The following MYBL2 variants were observed in gnomAD, a reference collection of about 807,000 sequenced individuals.
The protein encoded by MYBL2 is myb-related protein B.
In MYBL2, 28 loss-of-function variants were observed where a neutral mutation model predicts 79.9. That is an observed-to-expected ratio of 0.35 (90% CI 0.26 to 0.48). MYBL2 has a LOEUF of 0.48. Ranked by LOEUF, MYBL2 falls within the 20% of genes least tolerant of loss-of-function variation. The probability of loss-of-function intolerance (pLI) is 0.99; values close to 1 mark genes in which losing one functional copy is unlikely to be tolerated. For missense variants in MYBL2, 735 were observed against 893.9 expected, an observed-to-expected ratio of 0.82 and a Z score of 2.27; for synonymous variants, 378 against 361.2, an observed-to-expected ratio of 1.05 and a Z score of -0.53.
chr20:43,716,187 G>C lies in MYBL2; in HGVS notation c.*100G>C. The C allele has an allele frequency of 6.4e-7, 1 of 1,561,496 alleles. No individual in the cohort carries two copies. The highest frequency in any genetic ancestry group is 1.1e-5 in the South Asian group (1 of 87,322). On this transcript the variant is annotated 3_prime_UTR_variant, in exon 14 of 14. Coordinates refer to ENST00000217026, the MANE Select transcript of MYBL2 (RefSeq NM_002466.4). ...AGTCATTCAGGTGACCTCCTGCAGG[G>C]AGCCTTCTGCCACCAGCCCCTCCCC...
At chr20:43,715,096 C>G (rs367724805) in intron 12 of MYBL2, 38 bp from the exon 13 acceptor site, 7 of 1,608,738 alleles carry the variant, frequency 4.4e-6, no homozygotes, top group Non-Finnish European at 5.1e-6. Context: ...CACAGCTTCT[C>G]GCAAAATGGT....
intron 7 of MYBL2, among the ~76,000 whole-genome samples, chr20:43,702,025 G>A (rs189036830): frequency 5.9e-5 from 9 of 152,344 alleles, no homozygotes; most frequent in African/African-American, 1.9e-4. Flanking sequence ...TACTCAGGAG[G>A]CTGAGGCAGG....
chr20:43,670,611 C>G (rs1292768519), intron 1 of MYBL2, among the ~76,000 whole-genome samples: 1 of 152,054 alleles, frequency 6.6e-6, no homozygotes, highest in Non-Finnish European at 1.5e-5. Flanking sequence ...TGGAGCTGAC[C>G]TTTGTAGATG....
At chr20:43,687,561 A>G (rs1987307307) in intron 5 of MYBL2, among the ~76,000 whole-genome samples, 1 of 152,188 alleles carries the variant, frequency 6.6e-6, no homozygotes, top group African/African-American at 2.4e-5. Flanking sequence ...ACTCTGTTAA[A>G]TGACTCTACT....
rs756042127 is a variant in MYBL2, at chr20:43,716,065, C to T, written c.2081C>T (p.Ser694Phe). The change falls in exon 14 of 14, where the codon TCT becomes TTT. Residue 694 changes from serine (S) to phenylalanine (F), a missense_variant. By Grantham distance (155) the Ser-to-Phe change is radical (BLOSUM62 -2). Around this residue, in one of 5 missense-constraint regions of MYBL2, gnomAD observed 204 missense variants for 202.9 expected, o/e 1.01. Coordinates refer to ENST00000217026, the MANE Select transcript of MYBL2 (RefSeq NM_002466.4). ...GGCCGCCTGAAGCCCAGCCACACAT[C>T]TCGGACCCTCATCTTGTCCTGAGGT... ...LLGRLKPSHT[S>F]RTLILS 4 of 1,609,028 alleles carry T rather than the reference C, an allele frequency of 2.5e-6. No individual in the cohort carries two copies. Among genetic ancestry groups the T allele is most frequent in the Non-Finnish European group, 3.4e-6 (4 of 1,179,796 alleles).
rs1987175600 is a variant in MYBL2 at position 43,682,799 on chromosome 20, C to T, written c.192C>T (p.Arg64=). 1 of 1,613,960 alleles carries T rather than the reference C, an allele frequency of 6.2e-7. No homozygotes were observed. The highest frequency in any genetic ancestry group is 8.5e-7 in the Non-Finnish European group (1 of 1,179,850). ...WKFLASHFPN[R]TDQQCQYRWL... is the part of the protein sequence containing the mutation. The stretch of plus-strand genomic sequence containing the variant: ...TTCTTCTGTTCTTTTCCCAGAACCG[C>T]ACTGACCAGCAATGCCAGTACAGGT... The change falls in exon 4 of 14, where the codon CGC becomes CGT. Residue 64 remains arginine, a synonymous_variant. Transcript: ENST00000217026.
chr20:43,714,961 T>C (rs576099942), intron 12 of MYBL2, among the ~76,000 whole-genome samples, 173 bp from the exon 13 acceptor site: 27 of 152,310 alleles, frequency 1.8e-4, no homozygotes, highest in African/African-American at 5.8e-4. Context: ...AAAGTAAGCT[T>C]AAGCTCATGT....
At chr20:43,713,555 T>C (rs1343840518) in intron 12 of MYBL2, among the ~76,000 whole-genome samples, 1 of 151,982 alleles carries the variant, frequency 6.6e-6, no homozygotes, top group Non-Finnish European at 1.5e-5. Flanking sequence ...GCCCGGCTAA[T>C]TTTGTATCTT....
chr20:43,667,485 C>T (rs1986746508), intron 1 of MYBL2, among the ~76,000 whole-genome samples, 182 bp downstream of exon 1: 2 of 152,128 alleles, frequency 1.3e-5, no homozygotes, highest in Non-Finnish European at 2.9e-5. Context: ...GCGCGTAAAG[C>T]TGGGGGGCTC....
At chr20:43,675,985 A>G (rs1180101356) in intron 2 of MYBL2, among the ~76,000 whole-genome samples, 1 of 149,606 alleles carries the variant, frequency 6.7e-6, no homozygotes, top group African/African-American at 2.5e-5. Context: ...GCTCACTGCA[A>G]CCTCTGCCTC....
chr20:43,673,987 TG>T, intron 2 of MYBL2, 88 bp downstream of exon 2: 1 of 1,193,158 alleles, frequency 8.4e-7, no homozygotes, highest in Admixed American at 2.0e-5. Flanking sequence ...TCTCATCAGA[TG>T]GGATGAAGAG....
intron 2 of MYBL2, 122 bp from the exon 3 acceptor site, chr20:43,681,662 G>A (rs539313014): frequency 4.2e-5 from 41 of 979,332 alleles, no homozygotes; most frequent in Admixed American, 1.5e-4. Flanking sequence ...CACCTTGTAC[G>A]TATTCACTTC....
intron 2 of MYBL2, among the ~76,000 whole-genome samples, chr20:43,680,024 TTTTA>T (rs150561384): frequency 0.81 from 122,754 of 151,600 alleles, 50,355 homozygotes; most frequent in Non-Finnish European, 0.88. Flanking sequence ...ATTTTGACTA[TTTTA>T]TTTATTTATT....
rs921753319 is a variant in MYBL2, at chr20:43,677,206, G to A, written c.114+3307G>A. Among the ~76,000 whole-genome samples the A allele has an allele frequency of 2.6e-5, 4 of 152,336 alleles. No individual in the cohort carries two copies. In the South Asian group the frequency reaches 6.2e-4, roughly 24 times the overall value. On this transcript the variant is annotated intron_variant, in intron 2 of 13. Coordinates refer to ENST00000217026, the MANE Select transcript of MYBL2 (RefSeq NM_002466.4). ...GGCTTAGAAGAATAAACAAGACCAA[G>A]TTCCTACCCCAGAGCAGATTTCTCT...
At chr20:43,703,442 G>A (rs60385149) in intron 8 of MYBL2, among the ~76,000 whole-genome samples, 1 of 152,186 alleles carries the variant, frequency 6.6e-6, no homozygotes, top group Non-Finnish European at 1.5e-5. Context: ...TGCTCTGTTA[G>A]TAACACACAG....
chr20:43,669,486 GC>G (rs1986809553), intron 1 of MYBL2, among the ~76,000 whole-genome samples: 1 of 152,156 alleles, frequency 6.6e-6, no homozygotes, highest in African/African-American at 2.4e-5. Flanking sequence ...CTGCCCTAGT[GC>G]CCCACTTCCC....
intron 5 of MYBL2, among the ~76,000 whole-genome samples, chr20:43,691,842 ATT>A (rs879641028): frequency 7.0e-6 from 1 of 142,770 alleles, no homozygotes; most frequent in Admixed American, 7.0e-5. Flanking sequence ...GCACTCGGCA[ATT>A]TTTTTTTTTT....
At chr20:43,700,203 G>C (rs917671102) in intron 7 of MYBL2, among the ~76,000 whole-genome samples, 159 bp downstream of exon 7, 2 of 152,182 alleles carry the variant, frequency 1.3e-5, no homozygotes, top group African/African-American at 4.8e-5. Flanking sequence ...GGGACACCAG[G>C]GTTGTCAGCA....
In MYBL2 at chr20:43,711,429, C is replaced by CCA. The variant is rs963361886; in HGVS notation, c.1606-48_1606-47dup. On this transcript the variant is annotated intron_variant, in intron 10 of 13. Transcript: ENST00000217026. ...TTGCAGCTGGGTTGGTCCCACAGTC[C>CCA]CACACACACACAGCCCGAGTGTGGT... 55 of 1,385,890 alleles carry CCA rather than the reference C, an allele frequency of 4.0e-5. No homozygotes were observed. In the South Asian group the frequency reaches 4.3e-4, roughly 11 times the overall value. The allele number at this position is 1,385,890 out of a possible 1,614,324, so 85.8% of individuals were successfully genotyped here.
Sources: allele counts gnomAD v4.1 joint callset (sites outside exome capture counted in the v4.1 genomes callset), GRCh38; gene constraint gnomAD v4.1.1; regional missense constraint gnomAD v4.1.1; transcripts MANE v1.5; gene names NCBI Gene and HGNC (gene_info 2026-07-23, HGNC 2026-07-21).